GRID2: variants seen among roughly 807,000 people sequenced by gnomAD.
GRID2 encodes the protein glutamate receptor ionotropic, delta-2.
A neutral mutation model predicts 114.8 loss-of-function variants in GRID2; 33 were observed. The observed-to-expected ratio is 0.29, with a 90% CI of 0.22 to 0.38. GRID2 has a LOEUF of 0.38. Ranked by LOEUF, GRID2 falls within the 10% of genes least tolerant of loss-of-function variation. GRID2 has a pLI of 1.00. For missense variants in GRID2, 1,184 were observed against 1,257.7 expected (o/e 0.94, Z 0.89); for synonymous variants, 505 against 449.9 (o/e 1.12, Z -1.55).
At chr4:93,731,140 T>G in intron 14 of GRID2, among the ~76,000 whole-genome samples, 1 of 152,260 alleles carries the variant, frequency 6.6e-6, no homozygotes, top group South Asian at 2.1e-4. Context: ...TCGTGATTTG[T>G]AAAAAAACTT....
At chr4:93,202,747 C>T (rs1485727211) in intron 4 of GRID2, among the ~76,000 whole-genome samples, 1 of 152,092 alleles carries the variant, frequency 6.6e-6, no homozygotes, top group African/African-American at 2.4e-5. Flanking sequence ...ACACAAAGAG[C>T]TCAGAAATTC....
At chr4:93,219,380 T>C (rs1744617957) in intron 6 of GRID2, among the ~76,000 whole-genome samples, 1 of 152,190 alleles carries the variant, frequency 6.6e-6, no homozygotes, top group Admixed American at 6.6e-5. Flanking sequence ...TCTATATTCC[T>C]AATCTTACCT....
At chr4:93,682,320 T>G (rs569374282) in intron 14 of GRID2, among the ~76,000 whole-genome samples, 4,489 of 150,746 alleles carry the variant, frequency 0.03, 88 homozygotes, top group African/African-American at 0.06. Context: ...GGAACACTTT[T>G]ACACTGTTGG....
At chr4:92,990,860 G>T (rs1220194321) in intron 2 of GRID2, among the ~76,000 whole-genome samples, 1 of 151,958 alleles carries the variant, frequency 6.6e-6, no homozygotes, top group Non-Finnish European at 1.5e-5. Context: ...ACATAAGCAT[G>T]ATAGCTCTAA....
In GRID2 at chr4:92,386,337, C is replaced by T. The variant is rs879752142; in HGVS notation, c.88+81593C>T. ...TAATTTGATCATCAAAGTGTATGTA[C>T]CATGTATATCCTACAGTAGATTCCT... On this transcript the variant is annotated intron_variant, in intron 1 of 15. Coordinates refer to ENST00000282020, the MANE Select transcript of GRID2 (RefSeq NM_001510.4). Among the ~76,000 whole-genome samples, 7 of 151,600 alleles carry T rather than the reference C, an allele frequency of 4.6e-5. No homozygotes were observed. In the South Asian group the frequency reaches 1.0e-3, roughly 22 times the overall value.
Position 93,083,878 on chromosome 4 carries a change from G to A in GRID2, c.245-1117G>A, listed in dbSNP as rs562116568. ...TAATAAATTTATTTGATGATGATAT[G>A]CTTATCATTAGTACAGCACTTTTAA... On this transcript the variant is annotated intron_variant, in intron 2 of 15. Transcript: ENST00000282020. Among the ~76,000 whole-genome samples the A allele has an allele frequency of 1.3e-4, 20 of 151,986 alleles. 1 individual carries two copies. In the South Asian group the frequency reaches 3.7e-3, roughly 28 times the overall value.
chr4:93,555,821 C>A (rs1162864537), intron 13 of GRID2, among the ~76,000 whole-genome samples: 2 of 152,148 alleles, frequency 1.3e-5, no homozygotes, highest in East Asian at 3.9e-4. Context: ...GGAGACACCT[C>A]CCAGCAGGGA....
chr4:92,706,157 A>C (rs1444818673), intron 2 of GRID2, among the ~76,000 whole-genome samples: 1 of 152,192 alleles, frequency 6.6e-6, no homozygotes, highest in Non-Finnish European at 1.5e-5. Flanking sequence ...AGACAATAAT[A>C]AACTCATAGG....
At chr4:93,178,380 ATTT>A (rs11428288) in intron 4 of GRID2, among the ~76,000 whole-genome samples, 1,728 of 50,072 alleles carry the variant, frequency 0.035, 21 homozygotes, top group African/African-American at 0.11. Flanking sequence ...TTGAAAATAG[ATTT>A]TTTTTTTTTT....
chr4:93,692,969 A>G (rs1344478697), intron 14 of GRID2, among the ~76,000 whole-genome samples: 1 of 152,202 alleles, frequency 6.6e-6, no homozygotes, highest in African/African-American at 2.4e-5. Context: ...CAATATAAAT[A>G]TGGTGAAAAG....
chr4:92,798,956 G>A (rs1365277895), intron 2 of GRID2, among the ~76,000 whole-genome samples: 1 of 151,944 alleles, frequency 6.6e-6, no homozygotes, highest in Non-Finnish European at 1.5e-5. Flanking sequence ...ATGCACACTG[G>A]ATAGCTTAAA....
intron 2 of GRID2, among the ~76,000 whole-genome samples, chr4:92,677,363 G>C (rs2149281291): frequency 6.6e-6 from 1 of 152,250 alleles, no homozygotes; most frequent in East Asian, 1.9e-4. Flanking sequence ...AAGATCAGAG[G>C]AATAAGACAA....
chr4:93,391,211 G>A (rs541171336), intron 8 of GRID2, among the ~76,000 whole-genome samples: 23 of 152,228 alleles, frequency 1.5e-4, no homozygotes, highest in African/African-American at 5.1e-4. Context: ...AGAGATTACT[G>A]GCACACTGCA....
chr4:93,282,765 T>C (rs1255720890), intron 8 of GRID2, among the ~76,000 whole-genome samples: 4 of 152,000 alleles, frequency 2.6e-5, no homozygotes, highest in African/African-American at 9.7e-5. Context: ...GAAAAGAGTT[T>C]TAATTGGCTC....
chr4:93,385,376 AT>A (rs1397341064), intron 8 of GRID2, among the ~76,000 whole-genome samples: 1 of 152,222 alleles, frequency 6.6e-6, no homozygotes, highest in Non-Finnish European at 1.5e-5. Flanking sequence ...CAAGCTAGAC[AT>A]TTTATGAGAC....
Position 92,766,567 on chromosome 4 carries a change from C to A in GRID2, c.244+176281C>A, listed in dbSNP as rs557227790. ...AAAAAAAAAAAAAAAAGGACACTTT[C>A]ACTAAGGAATGGTAATGTATGAATG... is the stretch of plus-strand genomic sequence containing the variant. On this transcript the variant is annotated intron_variant, in intron 2 of 15. Coordinates refer to ENST00000282020, the MANE Select transcript of GRID2 (RefSeq NM_001510.4). Among the ~76,000 whole-genome samples, 8 of 147,606 alleles carry A rather than the reference C, an allele frequency of 5.4e-5. No individual in the cohort carries two copies. The South Asian group carries it at 1.3e-3, about 24-fold the overall frequency.
chr4:92,405,489 A>T (rs776306217), intron 1 of GRID2, among the ~76,000 whole-genome samples: 6 of 152,190 alleles, frequency 3.9e-5, no homozygotes, highest in Non-Finnish European at 5.9e-5. Flanking sequence ...AATATAAATT[A>T]TAAAAGTGAT....
chr4:93,001,732 G>GCC (rs1560784667), intron 2 of GRID2, among the ~76,000 whole-genome samples: 15 of 151,822 alleles, frequency 9.9e-5, no homozygotes, highest in South Asian at 2.1e-4. Flanking sequence ...TATCAGCTGT[G>GCC]TGCTGGGTCA....
At chr4:92,896,754 T>C (rs114582173) in intron 2 of GRID2, among the ~76,000 whole-genome samples, 1 of 152,070 alleles carries the variant, frequency 6.6e-6, no homozygotes, top group Admixed American at 6.6e-5. Context: ...GTTTCTTTTG[T>C]GTGTGTGAGA....
Sources: allele counts gnomAD v4.1 joint callset (sites outside exome capture counted in the v4.1 genomes callset), GRCh38; gene constraint gnomAD v4.1.1; transcripts MANE v1.5; gene names NCBI Gene and HGNC (gene_info 2026-07-23, HGNC 2026-07-21).